Variants in CES3 observed in about 807,000 individuals in gnomAD.
CES3 encodes carboxylesterase 3 (brain).
A neutral mutation model predicts 57.6 loss-of-function variants in CES3; 49 were observed. The observed-to-expected ratio is 0.85, with a 90% CI of 0.68 to 1.08. CES3 has a LOEUF of 1.08. Among genes scored for constraint, CES3 ranks in the 50% least tolerant of loss-of-function variants. CES3 has a pLI of 0.00. For missense variants in CES3, 645 were observed against 742.0 expected, an observed-to-expected ratio of 0.87 and a Z score of 1.52; for synonymous variants, 266 against 281.6, an observed-to-expected ratio of 0.94 and a Z score of 0.55.
intron 1 of CES3, among the ~76,000 whole-genome samples, chr16:66,961,600 G>T (rs1291927988): frequency 2.0e-5 from 3 of 152,194 alleles, no homozygotes; most frequent in African/African-American, 7.2e-5. Flanking sequence ...TTTTGCTCTT[G>T]TTACCCAGGC....
At chr16:66,969,487 C>A (rs192131900) in intron 8 of CES3, among the ~76,000 whole-genome samples, 192 bp from the exon 9 acceptor site, 1 of 152,300 alleles carries the variant, frequency 6.6e-6, no homozygotes, top group Non-Finnish European at 1.5e-5. Flanking sequence ...CTGCTCTCCC[C>A]ATCCACACCA....
chr16:66,974,117 G>A lies in CES3; in HGVS notation c.*1068G>A, dbSNP rs1373890514. On this transcript the variant is annotated 3_prime_UTR_variant, in exon 13 of 13. Coordinates refer to ENST00000303334, the MANE Select transcript of CES3 (RefSeq NM_024922.6). ...TGGAAGTGAGAGGTGACAGTGTGCT[G>A]GCAGCCCTCACAGCCCTCGCTTGCT... The A allele has an allele frequency of 1.3e-5, 2 of 152,560 alleles. No individual in the cohort carries two copies. Among genetic ancestry groups the A allele is most frequent in the Non-Finnish European group, 2.9e-5 (2 of 68,290 alleles). 9.5% of individuals were successfully genotyped at this position (152,560 alleles called of 1,614,324 possible).
At position 66,972,850 on chromosome 16, in the gene CES3, C is replaced by T. The variant is rs1341636923; in HGVS notation, c.1521-4C>T. 2 of 1,613,882 alleles carry T rather than the reference C, an allele frequency of 1.2e-6. No homozygotes were observed. Among genetic ancestry groups the T allele is most frequent in the Non-Finnish European group, 1.7e-6 (2 of 1,179,912 alleles). ...CTTGGTCCTCATTCATTCCTCCCAC[C>T]CAGGGACCCCAATAGCAAGGCTCTG... On this transcript the variant is annotated splice_polypyrimidine_tract_variant and splice_region_variant and intron_variant, in intron 12 of 12. Coordinates refer to ENST00000303334, the MANE Select transcript of CES3 (RefSeq NM_024922.6).
chr16:66,964,480 A>G lies in CES3; in HGVS notation c.684A>G (p.Gly228=). 1.2e-6 allele frequency: 2 copies of G among 1,614,052 alleles called. No homozygotes were observed. The highest frequency in any genetic ancestry group is 1.7e-6 in the Non-Finnish European group (2 of 1,179,970). Residue 228 remains glycine (G), a synonymous_variant, in exon 5 of 13, where the codon GGA becomes GGG. Transcript: ENST00000303334. ...GDLNCVTVFG[G]SAGGSIISGL... is the part of the protein sequence containing the mutation. ...TCAACTGTGTCACTGTCTTTGGTGG[A>G]TCTGCCGGTGGGAGCATCATCTCTG... is the stretch of plus-strand genomic sequence containing the variant.
intron 8 of CES3, 118 bp from the exon 9 acceptor site, chr16:66,969,561 C>A (rs749962944): frequency 1.0e-6 from 1 of 965,788 alleles, no homozygotes; most frequent in African/African-American, 1.6e-5. Flanking sequence ...CCCATTTTGG[C>A]CAAGTGCTCC....
At chr16:66,964,551 C>T (rs1341807519) in intron 5 of CES3, 41 bp downstream of exon 5, 2 of 1,611,808 alleles carry the variant, frequency 1.2e-6, no homozygotes, top group Non-Finnish European at 1.7e-6. Flanking sequence ...GCCAGGAGGG[C>T]TCCGGTGGTC....
chr16:66,964,400 G>T lies in CES3; in HGVS notation c.604G>T (p.Val202Leu). The T allele has an allele frequency of 6.2e-7, 1 of 1,614,162 alleles. No homozygotes were observed. The highest frequency in any genetic ancestry group is 8.5e-7 in the Non-Finnish European group (1 of 1,180,014). Reference sequence around the variant, plus strand: ...ACCTGGCAACCAGGGCTTCCTAGATGTGGTAGCTGCTTTGCGCTGGGTGCA... The same window carrying T: ...ACCTGGCAACCAGGGCTTCCTAGATTTGGTAGCTGCTTTGCGCTGGGTGCA... ...HAPGNQGFLD[V>L]VAALRWVQEN... is the part of the protein sequence containing the mutation. Residue 202 changes from valine to leucine, a missense_variant, in exon 5 of 13, where the codon GTG becomes TTG. By Grantham distance (32) the Val-to-Leu change is conservative. Coordinates refer to ENST00000303334, the MANE Select transcript of CES3 (RefSeq NM_024922.6).
rs751955658 is a variant in CES3, at chr16:66,963,825, C to T, written c.450C>T (p.Gly150=). ...AGGTCATGGTATGGGTCCATGGAGG[C>T]GCTCTGATAACTGGCGCTGCCACCT... ...GRPVMVWVHG[G]ALITGAATSY... The change falls in exon 4 of 13, where the codon GGC becomes GGT. Residue 150 remains glycine (G), a synonymous_variant. Coordinates refer to ENST00000303334, the MANE Select transcript of CES3 (RefSeq NM_024922.6). The surrounding 1 kb of genome is among the most constrained non-coding windows in gnomAD (Gnocchi z 4.9). The T allele has an allele frequency of 5.1e-5, 83 of 1,614,012 alleles. No individual in the cohort carries two copies. The highest frequency in any genetic ancestry group is 2.7e-4 in the East Asian group (12 of 44,892).
chr16:66,967,141 G>A (rs1275435241), intron 8 of CES3, among the ~76,000 whole-genome samples: 1 of 151,908 alleles, frequency 6.6e-6, no homozygotes, highest in South Asian at 2.1e-4. Context: ...GGAGTGCAGT[G>A]GTGCGATCTC....
chr16:66,963,618 TCCGGTAGG>T lies in CES3; in HGVS notation c.425_426+6del. On this transcript the variant is annotated frameshift_variant, in exon 3 of 13. Transcript: ENST00000303334. LOFTEE classifies it high-confidence loss of function. The surrounding 1 kb of genome is among the most constrained non-coding windows in gnomAD (Gnocchi z 4.9). ...TAGCCCAGCTGAGGTCCCCGCAGGGTCCGGTAGGCCGGTAGGCACCCCAGAGGGCCCTG... is the reference window on the plus strand; with the variant it reads ...TAGCCCAGCTGAGGTCCCCGCAGGGTCCGGTAGGCACCCCAGAGGGCCCTG... The T allele has an allele frequency of 6.2e-7, 1 of 1,614,090 alleles. No homozygotes were observed. Among genetic ancestry groups the T allele is most frequent in the Non-Finnish European group, 8.5e-7 (1 of 1,180,012 alleles).
In CES3 at chr16:66,964,743, C is replaced by T. The variant is rs1963707058; in HGVS notation, c.819+16C>T. 2 of 1,604,732 alleles carry T rather than the reference C, an allele frequency of 1.2e-6. No homozygotes were observed. Among genetic ancestry groups the T allele is most frequent in the South Asian group, 2.2e-5 (2 of 90,590 alleles). ...CCTAGCTCAGGTCTGTATTTCCTTCCCTCTCTTACTCTATGTGTGCCTCCC... is the reference window on the plus strand; with the variant it reads ...CCTAGCTCAGGTCTGTATTTCCTTCTCTCTCTTACTCTATGTGTGCCTCCC... On this transcript the variant is annotated intron_variant, in intron 6 of 12. Transcript: ENST00000303334.
Position 66,966,870 on chromosome 16 carries a change from G to T in CES3, c.1062+5G>T, listed in dbSNP as rs776363442. 1 of 1,613,694 alleles carries T rather than the reference G, an allele frequency of 6.2e-7. No homozygotes were observed. The highest frequency in any genetic ancestry group is 8.5e-7 in the Non-Finnish European group (1 of 1,180,000). On this transcript the variant is annotated splice_donor_5th_base_variant and intron_variant, in intron 8 of 12. Coordinates refer to ENST00000303334, the MANE Select transcript of CES3 (RefSeq NM_024922.6). Reference sequence around the variant, plus strand: ...TTCAGCTGGCTCATCCCCAGGGTGAGTTGCTCCCACCCCTGTGCCCTTCAA... The same window carrying T: ...TTCAGCTGGCTCATCCCCAGGGTGATTTGCTCCCACCCCTGTGCCCTTCAA...
rs575315928 is a variant in CES3 at position 66,964,707 on chromosome 16, C to A, written c.799C>A (p.His267Asn). 12 of 1,614,000 alleles carry A rather than the reference C, an allele frequency of 7.4e-6. No homozygotes were observed. The South Asian group carries it at 1.3e-4, about 18-fold the overall frequency. ...CACCACCCCAGGGATCATCGACTCT[C>A]ACCCTTGGCCCCTAGCTCAGGTCTG... Reference protein sequence around the residue: ...VITTPGIIDSHPWPLAQKIAN... With the variant: ...VITTPGIIDSNPWPLAQKIAN... Residue 267 changes from histidine (H) to asparagine (N), a missense_variant, in exon 6 of 13, where the codon CAC (histidine) becomes AAC (asparagine). Physicochemically the swap from His to Asn is moderately conservative, Grantham distance 68. Transcript: ENST00000303334.
rs1963691600 is a variant in CES3, at chr16:66,963,899, C to T, written c.524C>T (p.Thr175Ile). The stretch of plus-strand genomic sequence containing the variant: ...GCCTATGGGGATGTGGTCGTGGTTA[C>T]AGTCCAGTACCGCCTTGGGGTCCTT... ...LAAYGDVVVV[T>I]VQYRLGVLGF... is the part of the protein sequence containing the mutation. The change falls in exon 4 of 13, where the codon ACA becomes ATA. Residue 175 changes from threonine (T) to isoleucine (I), a missense_variant. Coordinates refer to ENST00000303334, the MANE Select transcript of CES3 (RefSeq NM_024922.6). The surrounding 1 kb of genome is among the most constrained non-coding windows in gnomAD (Gnocchi z 4.9). The T allele has an allele frequency of 1.2e-6, 2 of 1,614,078 alleles. No individual in the cohort carries two copies. The highest frequency in any genetic ancestry group is 1.7e-6 in the Non-Finnish European group (2 of 1,179,928).
At chr16:66,961,514 T>A in intron 1 of CES3, 125 bp downstream of exon 1, 1 of 722,220 alleles carries the variant, frequency 1.4e-6, no homozygotes, top group Non-Finnish European at 2.4e-6. Flanking sequence ...CCAGGGGTTG[T>A]GCATTCTCTC....
chr16:66,967,906 GC>G, intron 8 of CES3: 1 of 298,346 alleles, frequency 3.4e-6, no homozygotes, highest in Non-Finnish European at 4.9e-6. Context: ...TCAGGTCTGT[GC>G]CACCATACTC....
chr16:66,964,555 G>C (rs201354747), intron 5 of CES3, 45 bp downstream of exon 5: 2 of 1,611,746 alleles, frequency 1.2e-6, no homozygotes, highest in Admixed American at 1.7e-5. Context: ...GGAGGGCTCC[G>C]GTGGTCTCAG....
At chr16:66,968,570 A>G (rs1358477016) in intron 8 of CES3, among the ~76,000 whole-genome samples, 1 of 152,142 alleles carries the variant, frequency 6.6e-6, no homozygotes, top group East Asian at 1.9e-4. Context: ...ATCCCCTCAT[A>G]TTGGTCCCTT....
In CES3 at chr16:66,971,208, G is replaced by A. The variant is rs1362607828; in HGVS notation, c.1180G>A (p.Glu394Lys). Residue 394 changes from glutamate to lysine, a missense_variant, in exon 10 of 13, where the codon GAA becomes AAA. Glu to Lys is a moderately conservative substitution (Grantham distance 56). Transcript: ENST00000303334. ...PPEMMPTVID[E>K]YLGSNSDAQA... ...TGAGATGATGCCCACCGTCATAGATGAATACCTAGGAAGCAACTCGGACGC... is the reference window on the plus strand; with the variant it reads ...TGAGATGATGCCCACCGTCATAGATAAATACCTAGGAAGCAACTCGGACGC... 2.5e-6 allele frequency: 4 copies of A among 1,613,974 alleles called. No individual in the cohort carries two copies. In the African/African-American group the frequency reaches 5.3e-5, roughly 22 times the overall value.
Sources: gnomAD v4.1 joint callset for allele counts (sites outside exome capture counted in the v4.1 genomes callset) on GRCh38, gnomAD v4.1.1 for gene constraint, Gnocchi (gnomAD v3.1) non-coding constraint, MANE v1.5 for transcripts, NCBI Gene and HGNC (gene_info 2026-07-23, HGNC 2026-07-21) for gene names.